SHISA9: variants seen among roughly 807,000 people sequenced by gnomAD.
SHISA9 encodes shisa family member 9, also known as protein shisa-9.
SHISA9 carries 13 observed loss-of-function variants against 38.0 expected under a neutral mutation model. That is an observed-to-expected ratio of 0.34 (90% CI 0.22 to 0.54). The LOEUF is 0.54. SHISA9 is among the 20% of genes least tolerant of loss of function. SHISA9 has a pLI of 0.91. For missense variants in SHISA9, 538 were observed against 575.8 expected, an observed-to-expected ratio of 0.93 and a Z score of 0.67; for synonymous variants, 275 against 242.0, an observed-to-expected ratio of 1.14 and a Z score of -1.27.
intron 1 of SHISA9, among the ~76,000 whole-genome samples, chr16:12,903,799 C>T (rs1398527364): frequency 1.3e-5 from 2 of 152,152 alleles, no homozygotes; most frequent in African/African-American, 4.8e-5. Context: ...CTGCCGGGGG[C>T]CTGTGTGTGT....
the SHISA9 span, among the ~76,000 whole-genome samples, chr16:13,337,312 G>C: frequency 2.0e-5 from 3 of 152,142 alleles, no homozygotes; most frequent in Non-Finnish European, 4.4e-5. Context: ...TAAGTCTCAC[G>C]AGATCTGATG....
At position 13,240,303 on chromosome 16, in the gene SHISA9, A is replaced by C. The variant is rs1238359281; in HGVS notation, c.*4894A>C. 1.3e-5 allele frequency: 2 copies of C among 152,250 alleles called. No individual in the cohort carries two copies. Among genetic ancestry groups the C allele is most frequent in the African/African-American group, 4.8e-5 (2 of 41,462 alleles). 9.4% of individuals were successfully genotyped at this position (152,250 alleles called of 1,614,324 possible). ...GTTTATGATACGAATAATTCTTCCT[A>C]CAATGAAGAAAAAAACACATTTGTT... On this transcript the variant is annotated 3_prime_UTR_variant, in exon 5 of 5. Transcript: ENST00000558583.
intron 2 of SHISA9, among the ~76,000 whole-genome samples, chr16:13,135,680 C>G (rs561798406): frequency 2.6e-5 from 4 of 152,120 alleles, no homozygotes; most frequent in Admixed American, 6.6e-5. Context: ...TTCTGGAGAA[C>G]TCAATCTTTG....
chr16:13,130,639 ATCT>A (rs775803881), intron 2 of SHISA9, among the ~76,000 whole-genome samples: 4 of 151,712 alleles, frequency 2.6e-5, no homozygotes, highest in African/African-American at 9.7e-5. Context: ...GTTTAAAAAA[ATCT>A]TCTGCAATGA....
At chr16:13,020,134 C>T (rs1164042737) in intron 2 of SHISA9, among the ~76,000 whole-genome samples, 1 of 150,420 alleles carries the variant, frequency 6.6e-6, no homozygotes, top group Non-Finnish European at 1.5e-5. Flanking sequence ...TGAAGCAATT[C>T]TCCTGCCTCA....
the SHISA9 span, among the ~76,000 whole-genome samples, chr16:13,433,554 C>G: frequency 1.9e-4 from 29 of 152,158 alleles, no homozygotes; most frequent in Admixed American, 1.8e-3. Context: ...TTCAAGGATA[C>G]AGAGCAAGTA....
chr16:13,084,733 C>T (rs544378343), intron 2 of SHISA9, among the ~76,000 whole-genome samples: 1 of 65,686 alleles, frequency 1.5e-5, no homozygotes, highest in African/African-American at 6.4e-5. Context: ...GAAAGCTTTT[C>T]TCTTAAGCTT....
intron 2 of SHISA9, among the ~76,000 whole-genome samples, chr16:13,021,213 A>G (rs1245592427): frequency 6.6e-6 from 1 of 152,084 alleles, no homozygotes; most frequent in Non-Finnish European, 1.5e-5. Flanking sequence ...TGGCATTTGG[A>G]GACATTTTTT....
At chr16:13,354,203 T>G in the SHISA9 span, among the ~76,000 whole-genome samples, 1 of 141,564 alleles carries the variant, frequency 7.1e-6, no homozygotes, top group Non-Finnish European at 1.5e-5. Flanking sequence ...GTTATTTCCT[T>G]CAGGATAGAT....
the SHISA9 span, among the ~76,000 whole-genome samples, chr16:13,249,444 T>A: frequency 6.6e-6 from 1 of 152,234 alleles, no homozygotes; most frequent in Non-Finnish European, 1.5e-5. Flanking sequence ...TAGGTTGAGA[T>A]GACTTTATAT....
the SHISA9 span, among the ~76,000 whole-genome samples, chr16:13,298,687 G>T: frequency 4.7e-4 from 71 of 152,270 alleles, no homozygotes; most frequent in African/African-American, 1.7e-3. Flanking sequence ...GGCGTTTCAG[G>T]TCAGAGTTCG....
At chr16:13,261,425 G>A in the SHISA9 span, among the ~76,000 whole-genome samples, 1 of 152,136 alleles carries the variant, frequency 6.6e-6, no homozygotes, top group Non-Finnish European at 1.5e-5. Flanking sequence ...TTTTGTGCCA[G>A]ACACTGACAT....
chr16:12,979,722 G>A (rs1481187687), intron 2 of SHISA9, among the ~76,000 whole-genome samples: 1 of 151,928 alleles, frequency 6.6e-6, no homozygotes, highest in African/African-American at 2.4e-5. Context: ...GTGTGTTGCT[G>A]TGGTACATTT....
chr16:13,150,234 T>C (rs781182321), intron 2 of SHISA9, among the ~76,000 whole-genome samples: 10 of 152,088 alleles, frequency 6.6e-5, no homozygotes, highest in Non-Finnish European at 1.0e-4. Flanking sequence ...TATTTTCTCA[T>C]GCTGTCTCAT....
chr16:13,086,967 C>T, intron 2 of SHISA9, among the ~76,000 whole-genome samples: 1 of 148,880 alleles, frequency 6.7e-6, no homozygotes, highest in Non-Finnish European at 1.5e-5. Context: ...TCCCCAAGCC[C>T]CCCACCCCCC....
At chr16:12,921,396 A>G (rs984047218) in intron 2 of SHISA9, among the ~76,000 whole-genome samples, 3 of 152,198 alleles carry the variant, frequency 2.0e-5, no homozygotes, top group African/African-American at 7.2e-5. Flanking sequence ...ATCTAGGACC[A>G]TTTATGAGTC....
the SHISA9 span, among the ~76,000 whole-genome samples, chr16:13,418,911 A>G: frequency 6.6e-6 from 1 of 152,212 alleles, no homozygotes. Flanking sequence ...TAGTGACCAC[A>G]GCTAATAGCC....
chr16:13,041,431 G>T (rs1196073009), intron 2 of SHISA9, among the ~76,000 whole-genome samples: 2 of 152,128 alleles, frequency 1.3e-5, no homozygotes, highest in Admixed American at 1.3e-4. Flanking sequence ...TCTTCCTCCA[G>T]TGCAAACCTT....
At chr16:13,442,473 A>G in the SHISA9 span, among the ~76,000 whole-genome samples, 2 of 152,032 alleles carry the variant, frequency 1.3e-5, no homozygotes, top group African/African-American at 4.8e-5. Flanking sequence ...ACACTTGGCT[A>G]ATTTTTGTAT....
Sources: allele counts gnomAD v4.1 joint callset (sites outside exome capture counted in the v4.1 genomes callset), GRCh38; gene constraint gnomAD v4.1.1; transcripts MANE v1.5; gene names NCBI Gene and HGNC (gene_info 2026-07-23, HGNC 2026-07-21).